The following RPS6KB2 variants were observed in gnomAD, a reference collection of about 807,000 sequenced individuals.
The protein encoded by RPS6KB2 is ribosomal protein S6 kinase B2, also known as ribosomal protein S6 kinase beta-2.
In RPS6KB2, 51 loss-of-function variants were observed where a neutral mutation model predicts 58.2. The ratio of observed to expected loss-of-function variants is 0.88; its 90% CI spans 0.70 to 1.11. RPS6KB2 has a LOEUF of 1.11. Ranked by LOEUF, RPS6KB2 falls within the 50% of genes least tolerant of loss-of-function variation. The pLI, the probability that RPS6KB2 is intolerant of heterozygous loss-of-function variation, is 0.00. For synonymous variants in RPS6KB2, 293 were observed against 258.6 expected, an observed-to-expected ratio of 1.13 and a Z score of -1.28; for missense variants, 671 against 655.8, an observed-to-expected ratio of 1.02 and a Z score of -0.25.
At chr11:67,429,052 G>T (rs375911451) in intron 2 of RPS6KB2, 30 bp downstream of exon 2, 4 of 1,595,724 alleles carry the variant, frequency 2.5e-6, no homozygotes, top group African/African-American at 2.7e-5. Context: ...GGGGAGGGGG[G>T]AATGGAGTGG....
Position 67,434,496 on chromosome 11 carries a change from G to A in RPS6KB2, c.1155+12G>A, listed in dbSNP as rs768368618. ...ACCAGGCCTTCCTGGTGAGTGCGGGGGCCTGAGGCCTGTGGGACCAGGGCA... is the reference window on the plus strand; with the variant it reads ...ACCAGGCCTTCCTGGTGAGTGCGGGAGCCTGAGGCCTGTGGGACCAGGGCA... On this transcript the variant is annotated intron_variant, in intron 13 of 14. Transcript: ENST00000312629. 3 of 1,606,940 alleles carry A rather than the reference G, an allele frequency of 1.9e-6. No individual in the cohort carries two copies. In the South Asian group the frequency reaches 3.3e-5, roughly 18 times the overall value.
At position 67,434,419 on chromosome 11, in the gene RPS6KB2, C is replaced by A. The variant is rs375350949; in HGVS notation, c.1090C>A (p.Arg364=). The A allele has an allele frequency of 6.2e-7, 1 of 1,613,090 alleles. No homozygotes were observed. Among genetic ancestry groups the A allele is most frequent in the South Asian group, 1.1e-5 (1 of 91,092 alleles). ...DVSQFDTRFT[R]QTPVDSPDDT... is the part of the protein sequence containing the mutation. The stretch of plus-strand genomic sequence containing the variant: ...GAGCCAGTTTGATACCCGCTTCACA[C>A]GGCAGACGCCGGTGGACAGTCCTGA... Residue 364 remains arginine (R), a synonymous_variant, in exon 13 of 15, where the codon CGG becomes AGG. Coordinates refer to ENST00000312629, the MANE Select transcript of RPS6KB2 (RefSeq NM_003952.3).
rs765842884 is a variant in RPS6KB2, at chr11:67,432,867, C to T, written c.616+30C>T. On this transcript the variant is annotated intron_variant, in intron 7 of 14. Coordinates refer to ENST00000312629, the MANE Select transcript of RPS6KB2 (RefSeq NM_003952.3). ...GCATGTGTGTGCGGGCAGCTGCAGG[C>T]GGGGTCTGCAATCTGTGGGGAGGGC... 20 of 1,609,782 alleles carry T rather than the reference C, an allele frequency of 1.2e-5. 1 individual carries two copies. In the East Asian group the frequency reaches 2.5e-4, roughly 20 times the overall value.
intron 6 of RPS6KB2, 26 bp from the exon 7 acceptor site, chr11:67,432,711 G>A (rs752170272): frequency 6.8e-6 from 11 of 1,613,698 alleles, no homozygotes; most frequent in Admixed American, 3.3e-5. Flanking sequence ...CTCTACTCCC[G>A]CCTTCACCCT....
rs1452362871 is a variant in RPS6KB2, at chr11:67,432,858, A to G, written c.616+21A>G. The stretch of plus-strand genomic sequence containing the variant: ...CCAGGGTGCGCATGTGTGTGCGGGC[A>G]GCTGCAGGCGGGGTCTGCAATCTGT... On this transcript the variant is annotated intron_variant, in intron 7 of 14. Coordinates refer to ENST00000312629, the MANE Select transcript of RPS6KB2 (RefSeq NM_003952.3). 3 of 1,611,288 alleles carry G rather than the reference A, an allele frequency of 1.9e-6. No homozygotes were observed. In the African/African-American group the frequency reaches 4.0e-5, roughly 22 times the overall value.
chr11:67,429,428 G>T (rs1481381562), intron 3 of RPS6KB2, 99 bp from the exon 4 acceptor site: 42 of 1,389,516 alleles, frequency 3.0e-5, no homozygotes. Context: ...CCCTTGGCAG[G>T]GCCTAGGCCT....
intron 1 of RPS6KB2, 166 bp downstream of exon 1, chr11:67,428,789 C>G (rs1863925580): frequency 3.3e-6 from 3 of 903,312 alleles, no homozygotes; most frequent in Non-Finnish European, 5.3e-6. Flanking sequence ...CTCACCCCGA[C>G]CTCTCTTCCA....
intron 4 of RPS6KB2, 145 bp from the exon 5 acceptor site, chr11:67,431,222 GT>G: frequency 1.5e-6 from 1 of 659,294 alleles, no homozygotes; most frequent in Admixed American, 2.8e-5. Context: ...TAGAGATGGG[GT>G]TTCACCATGT....
rs1864012304 is a variant in RPS6KB2 at position 67,431,310 on chromosome 11, G to A, written c.310-58G>A. ...CTCCTAGAGTGCTGGGATTACAGGT[G>A]TGAGCCACTGTGCCCAGCCTGGATG... On this transcript the variant is annotated intron_variant, in intron 4 of 14. Coordinates refer to ENST00000312629, the MANE Select transcript of RPS6KB2 (RefSeq NM_003952.3). The A allele has an allele frequency of 3.2e-6, 5 of 1,568,096 alleles. No individual in the cohort carries two copies. The South Asian group carries it at 4.6e-5, about 14-fold the overall frequency.
intron 13 of RPS6KB2, 34 bp from the exon 14 acceptor site, chr11:67,434,548 C>G: frequency 6.3e-7 from 1 of 1,596,474 alleles, no homozygotes; most frequent in South Asian, 1.1e-5. Context: ...ATGGCAGGCA[C>G]TGAGTGTCGC....
intron 10 of RPS6KB2, 80 bp from the exon 11 acceptor site, chr11:67,433,915 C>T: frequency 6.7e-7 from 1 of 1,496,960 alleles, no homozygotes; most frequent in Non-Finnish European, 9.3e-7. Flanking sequence ...TCACCTGACC[C>T]CTACTCCAGC....
chr11:67,434,070 C>T lies in RPS6KB2; in HGVS notation c.969+13C>T. On this transcript the variant is annotated intron_variant, in intron 11 of 14. Transcript: ENST00000312629. ...TGCTGATGTGCAGGTGGGTTTGGGA[C>T]CACCACCAGGGGTAGGGCTGAGTCT... The T allele has an allele frequency of 6.2e-7, 1 of 1,613,846 alleles. No individual in the cohort carries two copies. Among genetic ancestry groups the T allele is most frequent in the Non-Finnish European group, 8.5e-7 (1 of 1,179,840 alleles).
Position 67,434,409 on chromosome 11 carries a change from C to G in RPS6KB2, c.1080C>G (p.Thr360=), listed in dbSNP as rs1864179342. 1 of 1,613,276 alleles carries G rather than the reference C, an allele frequency of 6.2e-7. No individual in the cohort carries two copies. The highest frequency in any genetic ancestry group is 1.6e-4 in the Middle Eastern group (1 of 6,062). Residue 360 remains threonine (T), a synonymous_variant, in exon 13 of 15, where the codon ACC becomes ACG. Coordinates refer to ENST00000312629, the MANE Select transcript of RPS6KB2 (RefSeq NM_003952.3). ...QSEEDVSQFD[T]RFTRQTPVDS... ...AGGAGGACGTGAGCCAGTTTGATAC[C>G]CGCTTCACACGGCAGACGCCGGTGG...
In RPS6KB2 at chr11:67,431,463, C is replaced by T. The variant is rs372704440; in HGVS notation, c.405C>T (p.Ala135=). ...SVKHPFIVEL[A]YAFQTGGKLY... ...AGCACCCCTTTATTGTGGAACTGGC[C>T]TATGCCTTCCAGACTGGTGGCAAAC... The change falls in exon 5 of 15, where the codon GCC becomes GCT. Residue 135 remains alanine (A), a synonymous_variant. Coordinates refer to ENST00000312629, the MANE Select transcript of RPS6KB2 (RefSeq NM_003952.3). 6 of 1,613,996 alleles carry T rather than the reference C, an allele frequency of 3.7e-6. No individual in the cohort carries two copies. In the African/African-American group the frequency reaches 8.0e-5, roughly 22 times the overall value.
At chr11:67,434,129 G>A in intron 11 of RPS6KB2, 69 bp from the exon 12 acceptor site, 2 of 1,610,738 alleles carry the variant, frequency 1.2e-6, no homozygotes, top group Non-Finnish European at 1.7e-6. Context: ...AGGGCCCCAG[G>A]GCAGAGGGAG....
rs1167107728 is a variant in RPS6KB2 at position 67,433,168 on chromosome 11, G to A, written c.750G>A (p.Val250=). ...TGCGCAGTGGCCACAACCGGGCTGT[G>A]GACTGGTGGAGCCTGGGGGCCCTGA... The part of the protein sequence containing the change: ...ILVRSGHNRA[V]DWWSLGALMY... The change falls in exon 9 of 15, where the codon GTG becomes GTA. Residue 250 remains valine, a synonymous_variant. Coordinates refer to ENST00000312629, the MANE Select transcript of RPS6KB2 (RefSeq NM_003952.3). 6.2e-7 allele frequency: 1 copy of A among 1,605,446 alleles called. No homozygotes were observed. Among genetic ancestry groups the A allele is most frequent in the Admixed American group, 1.7e-5 (1 of 58,864 alleles).
chr11:67,432,615 C>A lies in RPS6KB2; in HGVS notation c.473C>A (p.Thr158Lys), dbSNP rs377609182. The part of the protein sequence containing the change: ...LECLSGGELF[T>K]HLEREGIFLE... Reference sequence around the variant, plus strand: ...TGTGTGGCAGGTGGCGAGCTCTTCACGCATCTGGAGCGAGAGGGCATCTTC... The same window carrying A: ...TGTGTGGCAGGTGGCGAGCTCTTCAAGCATCTGGAGCGAGAGGGCATCTTC... Residue 158 changes from threonine to lysine, a missense_variant, in exon 6 of 15, where the codon ACG (threonine) becomes AAG (lysine). Coordinates refer to ENST00000312629, the MANE Select transcript of RPS6KB2 (RefSeq NM_003952.3). 1 of 1,614,214 alleles carries A rather than the reference C, an allele frequency of 6.2e-7. No individual in the cohort carries two copies. The highest frequency in any genetic ancestry group is 1.7e-5 in the Admixed American group (1 of 60,022).
At chr11:67,434,509 T>C in intron 13 of RPS6KB2, 25 bp downstream of exon 13, 1 of 1,603,686 alleles carries the variant, frequency 6.2e-7, no homozygotes, top group Non-Finnish European at 8.5e-7. Flanking sequence ...CTGAGGCCTG[T>C]GGGACCAGGG....
Position 67,431,479 on chromosome 11 carries a change from G to T in RPS6KB2, c.421G>T (p.Gly141Cys), listed in dbSNP as rs911400177. 4 of 1,614,032 alleles carry T rather than the reference G, an allele frequency of 2.5e-6. No homozygotes were observed. Among genetic ancestry groups the T allele is most frequent in the Non-Finnish European group, 3.4e-6 (4 of 1,180,014 alleles). Residue 141 changes from glycine (G) to cysteine (C), a missense_variant, in exon 5 of 15, where the codon GGT becomes TGT. Coordinates refer to ENST00000312629, the MANE Select transcript of RPS6KB2 (RefSeq NM_003952.3). ...IVELAYAFQTGGKLYLILECL... is the reference protein window; with the variant it reads ...IVELAYAFQTCGKLYLILECL... ...GGAACTGGCCTATGCCTTCCAGACT[G>T]GTGGCAAACTCTACCTCATCCTTGA... is the stretch of plus-strand genomic sequence containing the variant.
Sources: gnomAD v4.1 joint callset for allele counts on GRCh38, gnomAD v4.1.1 for gene constraint, MANE v1.5 for transcripts, NCBI Gene and HGNC (gene_info 2026-07-23, HGNC 2026-07-21) for gene names.